Variants in OPCML observed in about 807,000 individuals in gnomAD.
OPCML encodes opioid-binding protein/cell adhesion molecule.
A neutral mutation model predicts 37.8 loss-of-function variants in OPCML; 13 were observed. The observed-to-expected ratio is 0.34, with a 90% confidence interval of 0.22 to 0.55. The LOEUF is 0.55. Ranked by LOEUF, OPCML falls within the 20% of genes least tolerant of loss-of-function variation. The pLI, the probability that OPCML is intolerant of heterozygous loss-of-function variation, is 0.91. For synonymous variants in OPCML, 176 were observed against 168.8 expected, an observed-to-expected ratio of 1.04 and a Z score of -0.33; for missense variants, 341 against 435.6, an observed-to-expected ratio of 0.78 and a Z score of 1.93.
chr11:133,166,226 C>G (rs1434198742), intron 1 of OPCML, among the ~76,000 whole-genome samples: 5 of 152,190 alleles, frequency 3.3e-5, no homozygotes, highest in Non-Finnish European at 5.9e-5. Context: ...AGTCAGTGCT[C>G]TAAATAAATT....
chr11:132,685,466 C>T (rs1208187673), intron 2 of OPCML, among the ~76,000 whole-genome samples: 1 of 152,184 alleles, frequency 6.6e-6, no homozygotes, highest in Non-Finnish European at 1.5e-5. Flanking sequence ...CACGACATCC[C>T]AGTCTGGAGC....
At chr11:132,440,495 C>G (rs900103843) in intron 4 of OPCML, among the ~76,000 whole-genome samples, 5 of 152,090 alleles carry the variant, frequency 3.3e-5, no homozygotes, top group Admixed American at 6.5e-5. Context: ...TGTTCGTGGG[C>G]TCTCTCCCAC....
intron 3 of OPCML, among the ~76,000 whole-genome samples, chr11:132,582,641 G>A (rs556095699): frequency 1.7e-3 from 253 of 152,108 alleles, no homozygotes; most frequent in African/African-American, 6.0e-3. Context: ...CCAAAATGAA[G>A]GAAGAATGGA....
intron 4 of OPCML, among the ~76,000 whole-genome samples, chr11:132,449,980 G>A (rs2096064527): frequency 6.6e-6 from 1 of 152,154 alleles, no homozygotes; most frequent in Non-Finnish European, 1.5e-5. Context: ...AAGTTTGGAG[G>A]TGTGAGTTCT....
At chr11:132,823,441 C>T (rs1940110587) in intron 2 of OPCML, among the ~76,000 whole-genome samples, 1 of 152,096 alleles carries the variant, frequency 6.6e-6, no homozygotes, top group Non-Finnish European at 1.5e-5. Flanking sequence ...TTTCCTGCAC[C>T]CTAGATTCCA....
intron 4 of OPCML, among the ~76,000 whole-genome samples, chr11:132,526,338 A>T (rs1292454077): frequency 6.6e-6 from 1 of 152,136 alleles, no homozygotes; most frequent in African/African-American, 2.4e-5. Flanking sequence ...TAAATCCAAA[A>T]TTATCTCTAA....
At chr11:133,031,834 A>T (rs1365581453) in intron 1 of OPCML, among the ~76,000 whole-genome samples, 2 of 152,178 alleles carry the variant, frequency 1.3e-5, no homozygotes, top group African/African-American at 4.8e-5. Flanking sequence ...CAAGCTTTCA[A>T]ATGAGCACTT....
chr11:133,118,340 G>A (rs1949367614), intron 1 of OPCML: 3 of 985,278 alleles, frequency 3.0e-6, no homozygotes, highest in Admixed American at 6.1e-5. Flanking sequence ...CCAGGCTGGT[G>A]CAAGGACATG....
intron 2 of OPCML, among the ~76,000 whole-genome samples, chr11:132,832,823 C>T (rs1051084245): frequency 1.3e-5 from 2 of 152,112 alleles, no homozygotes; most frequent in Non-Finnish European, 2.9e-5. Context: ...CTGTACGGCA[C>T]GTAACTGAAT....
At chr11:132,972,451 A>G (rs1401611981) in intron 1 of OPCML, among the ~76,000 whole-genome samples, 1 of 152,210 alleles carries the variant, frequency 6.6e-6, no homozygotes, top group African/African-American at 2.4e-5. Context: ...CCAAGGTCAT[A>G]TTCATTGCTG....
chr11:133,253,192 G>T (rs1941199812), intron 1 of OPCML, among the ~76,000 whole-genome samples: 4 of 151,398 alleles, frequency 2.6e-5, no homozygotes, highest in Admixed American at 2.6e-4. Flanking sequence ...TTTTATAAAG[G>T]AATTAGCAGG....
chr11:132,967,885 T>C (rs2136744836), intron 1 of OPCML, among the ~76,000 whole-genome samples: 1 of 152,308 alleles, frequency 6.6e-6, no homozygotes, highest in Non-Finnish European at 1.5e-5. Flanking sequence ...TTCATTTTTT[T>C]TAAATTAAGG....
At chr11:132,436,258 C>T (rs1337177308) in intron 6 of OPCML, 21 bp from the exon 7 acceptor site, 7 of 1,614,036 alleles carry the variant, frequency 4.3e-6, no homozygotes, top group Middle Eastern at 1.6e-4. Flanking sequence ...GAAGACATTG[C>T]TATCAATTCA....
At position 133,205,935 on chromosome 11, in the gene OPCML, G is replaced by C. The variant is rs1167536758; in HGVS notation, c.62-262925C>G. Among the ~76,000 whole-genome samples, 1 of 152,180 alleles carries C rather than the reference G, an allele frequency of 6.6e-6. No individual in the cohort carries two copies. Among genetic ancestry groups the C allele is most frequent in the African/African-American group, 2.4e-5 (1 of 41,440 alleles). Reference sequence around the variant, plus strand: ...ACAATCTGTCTCCAAATCCCAGACAGCTCTGTAATCTTGCACAAGTTATGT... The same window carrying C: ...ACAATCTGTCTCCAAATCCCAGACACCTCTGTAATCTTGCACAAGTTATGT... On this transcript the variant is annotated intron_variant, in intron 1 of 7. Transcript: ENST00000524381. This position sits in a 1 kb window ranked among gnomAD's most constrained non-coding sequence, Gnocchi z 4.8.
intron 1 of OPCML, among the ~76,000 whole-genome samples, chr11:133,248,960 T>G (rs1941040320): frequency 6.6e-6 from 1 of 152,238 alleles, no homozygotes; most frequent in African/African-American, 2.4e-5. Flanking sequence ...CATATGTTAA[T>G]GTGTCTTGCA....
chr11:133,316,423 A>C (rs1188861661), intron 1 of OPCML, among the ~76,000 whole-genome samples: 1 of 152,160 alleles, frequency 6.6e-6, no homozygotes, highest in Non-Finnish European at 1.5e-5. Flanking sequence ...GTGGGAGTTG[A>C]AGAATGAGAA....
In OPCML at chr11:133,201,580, G is replaced by A. The variant is rs114783411; in HGVS notation, c.62-258570C>T. Among the ~76,000 whole-genome samples, 882 of 152,266 alleles carry A rather than the reference G, an allele frequency of 5.8e-3. 11 individuals carry two copies. The highest frequency in any genetic ancestry group is 0.02 in the African/African-American group (820 of 41,560). On this transcript the variant is annotated intron_variant, in intron 1 of 7. Coordinates refer to ENST00000524381, the MANE Select transcript of OPCML (RefSeq NM_001012393.5). Reference sequence around the variant, plus strand: ...CAAGAGGCTGACACCAGGAAGATGCGTTGTTCAGAAGATGAGCATTTCTGT... The same window carrying A: ...CAAGAGGCTGACACCAGGAAGATGCATTGTTCAGAAGATGAGCATTTCTGT...
chr11:133,324,752 A>C (rs1943409690), intron 1 of OPCML, among the ~76,000 whole-genome samples: 1 of 152,200 alleles, frequency 6.6e-6, no homozygotes, highest in African/African-American at 2.4e-5. Context: ...CTTCAAAAGG[A>C]CATCAATGCC....
Position 132,507,196 on chromosome 11 carries a change from T to C in OPCML, c.505+21865A>G, listed in dbSNP as rs2096259078. 4.0e-5 allele frequency among the ~76,000 whole-genome samples: 6 copies of C among 151,776 alleles called. No individual in the cohort carries two copies. The South Asian group carries it at 1.2e-3, about 32-fold the overall frequency. On this transcript the variant is annotated intron_variant, in intron 4 of 7. Transcript: ENST00000524381. The stretch of plus-strand genomic sequence containing the variant: ...GAATTTTATGTGTAAAATACAAAAA[T>C]AAAGCAAAAAGTATTAAAATGCATA...
Sources: allele counts gnomAD v4.1 joint callset (sites outside exome capture counted in the v4.1 genomes callset), GRCh38; gene constraint gnomAD v4.1.1; non-coding constraint Gnocchi (gnomAD v3.1); transcripts MANE v1.5; gene names NCBI Gene and HGNC (gene_info 2026-07-23, HGNC 2026-07-21).